Variants in ZDHHC15 observed in about 807,000 individuals in gnomAD.
ZDHHC15 encodes zDHHC palmitoyltransferase 15.
ZDHHC15 carries 19 observed loss-of-function variants against 31.7 expected under a neutral mutation model. That is an observed-to-expected ratio of 0.60 (90% CI 0.42 to 0.88). The LOEUF is 0.88. Ranked by LOEUF, ZDHHC15 falls within the 40% of genes least tolerant of loss-of-function variation. ZDHHC15 has a pLI of 0.00. For missense variants in ZDHHC15, 209 were observed against 251.2 expected, an observed-to-expected ratio of 0.83 and a Z score of 1.14; for synonymous variants, 103 against 90.0, an observed-to-expected ratio of 1.14 and a Z score of -0.82.
chrX:75,372,646 T>C lies in ZDHHC15; in HGVS notation c.*332A>G, dbSNP rs1205176561. ...AGACTCTAAGGAAATTTTCTGAATT[T>C]CCTTTTACCTGATAAGATGAATGAA... On this transcript the variant is annotated 3_prime_UTR_variant, in exon 12 of 12. Coordinates refer to ENST00000373367, the MANE Select transcript of ZDHHC15 (RefSeq NM_144969.3). 9.0e-6 allele frequency: 1 copy of C among 111,524 alleles called. No individual in the cohort carries two copies. Among genetic ancestry groups the C allele is most frequent in the Non-Finnish European group, 1.9e-5 (1 of 53,080 alleles). The allele number at this position is 111,524 out of a possible 1,213,427, so 9.2% of individuals were successfully genotyped here. A position where few individuals can be genotyped will look rare whatever the true frequency, so the allele number is the denominator to read the frequency against.
At position 75,505,700 on chromosome X, in the gene ZDHHC15, T is replaced by C. The variant is rs1304826924; in HGVS notation, c.163+121A>G. The stretch of plus-strand genomic sequence containing the variant: ...CTTCCTGAAAACCATCATTCTAAAC[T>C]TTCTCCTCACCCAAGTTTATTTCTG... On this transcript the variant is annotated intron_variant, in intron 2 of 11. Coordinates refer to ENST00000373367, the MANE Select transcript of ZDHHC15 (RefSeq NM_144969.3). 3 of 831,990 alleles carry C rather than the reference T, an allele frequency of 3.6e-6. No homozygotes were observed. The East Asian group carries it at 9.6e-5, about 27-fold the overall frequency. 68.6% of individuals were successfully genotyped at this position (831,990 alleles called of 1,213,427 possible).
chrX:75,417,624 G>A (rs1324332451), intron 9 of ZDHHC15, among the ~76,000 whole-genome samples: 1 of 112,002 alleles, frequency 8.9e-6, no homozygotes, highest in Non-Finnish European at 1.9e-5. Flanking sequence ...ATGCGCAAAT[G>A]CACTGTTATT....
intron 3 of ZDHHC15, among the ~76,000 whole-genome samples, chrX:75,469,896 GTTTTT>G (rs371487935): frequency 9.0e-6 from 1 of 111,565 alleles, no homozygotes; most frequent in African/African-American, 3.3e-5. Flanking sequence ...CTGTTTTACA[GTTTTT>G]TTTATAGTAA....
chrX:75,496,609 CAAA>C (rs1477522201), intron 2 of ZDHHC15, among the ~76,000 whole-genome samples: 1 of 111,469 alleles, frequency 9.0e-6, no homozygotes, highest in East Asian at 2.8e-4. Flanking sequence ...TGACAGGACA[CAAA>C]AAAGTTTCAA....
At chrX:75,455,929 T>A (rs1269426834) in intron 3 of ZDHHC15, among the ~76,000 whole-genome samples, 1 of 111,565 alleles carries the variant, frequency 9.0e-6, no homozygotes, top group East Asian at 2.8e-4. Flanking sequence ...TTCAACCATT[T>A]TGGAAGACAG....
rs749293994 is a variant in ZDHHC15, at chrX:75,522,947, G to A, written c.78C>T (p.Leu26=). The A allele has an allele frequency of 8.3e-7, 1 of 1,211,763 alleles. No homozygotes were observed. The highest frequency in any genetic ancestry group is 1.8e-5 in the South Asian group (1 of 56,991). The part of the protein sequence containing the change: ...CRRVLSWVPV[L]VIVLVVLWSY... Reference sequence around the variant, plus strand: ...ACCAGAGCACGACGAGGACAATAACGAGCACTGGCACCCAGGACAGTACCC... The same window carrying A: ...ACCAGAGCACGACGAGGACAATAACAAGCACTGGCACCCAGGACAGTACCC... Residue 26 remains leucine, a synonymous_variant, in exon 1 of 12, where the codon CTC becomes CTT. Coordinates refer to ENST00000373367, the MANE Select transcript of ZDHHC15 (RefSeq NM_144969.3).
At chrX:75,468,172 A>C (rs1378688799) in intron 3 of ZDHHC15, among the ~76,000 whole-genome samples, 1 of 109,133 alleles carries the variant, frequency 9.2e-6, no homozygotes, top group Non-Finnish European at 1.9e-5. Context: ...CCGCCTCCCG[A>C]GTAACTGGGA....
chrX:75,441,699 C>T (rs1022932855), intron 4 of ZDHHC15, among the ~76,000 whole-genome samples: 3 of 106,689 alleles, frequency 2.8e-5, no homozygotes, highest in African/African-American at 1.0e-4. Flanking sequence ...TCTCCTCTCA[C>T]TGCAAGCTCC....
intron 4 of ZDHHC15, among the ~76,000 whole-genome samples, chrX:75,444,960 C>T (rs1416402358): frequency 9.3e-6 from 1 of 107,889 alleles, no homozygotes; most frequent in Non-Finnish European, 1.9e-5. Flanking sequence ...CTCAGGTTCT[C>T]AGGAGGCCTT....
intron 2 of ZDHHC15, among the ~76,000 whole-genome samples, chrX:75,500,998 G>T (rs1343254957): frequency 9.0e-6 from 1 of 110,907 alleles, no homozygotes; most frequent in Admixed American, 9.7e-5. Flanking sequence ...GGGGGCACAT[G>T]TAAAGGTTTC....
chrX:75,455,005 TG>T (rs746766419), intron 3 of ZDHHC15, among the ~76,000 whole-genome samples: 7 of 111,064 alleles, frequency 6.3e-5, no homozygotes, highest in South Asian at 3.8e-4. Context: ...TTCACAAAAT[TG>T]GAAAAAACTA....
intron 2 of ZDHHC15, chrX:75,501,902 T>C (rs2085093190): frequency 8.9e-6 from 1 of 111,788 alleles, no homozygotes; most frequent in African/African-American, 3.2e-5. Flanking sequence ...TGTCTCCCAT[T>C]CTGTAGATTG....
intron 1 of ZDHHC15, among the ~76,000 whole-genome samples, chrX:75,509,420 G>C (rs1366570803): frequency 8.9e-6 from 1 of 112,128 alleles, no homozygotes; most frequent in African/African-American, 3.2e-5. Context: ...CACATTTCAA[G>C]TGTTTAATAG....
At chrX:75,491,759 C>A (rs919649968) in intron 2 of ZDHHC15, among the ~76,000 whole-genome samples, 2 of 110,921 alleles carry the variant, frequency 1.8e-5, no homozygotes, top group Non-Finnish European at 3.8e-5. Flanking sequence ...TTTGTCACCA[C>A]CAGGCCTGCC....
chrX:75,418,021 A>G (rs767343204), intron 9 of ZDHHC15, among the ~76,000 whole-genome samples: 1 of 112,119 alleles, frequency 8.9e-6, no homozygotes, highest in South Asian at 3.7e-4. Context: ...TTATAAATGA[A>G]TGGGCTTTGA....
intron 1 of ZDHHC15, 105 bp downstream of exon 1, chrX:75,522,784 C>G (rs1169067983): frequency 4.7e-6 from 5 of 1,063,929 alleles, no homozygotes; most frequent in Non-Finnish European, 6.4e-6. Context: ...GAAAGGAAAA[C>G]CGCAGAGAGA....
At chrX:75,490,443 C>T (rs928049294) in intron 2 of ZDHHC15, among the ~76,000 whole-genome samples, 1 of 111,780 alleles carries the variant, frequency 8.9e-6, no homozygotes, top group African/African-American at 3.3e-5. Context: ...ATTCAACATT[C>T]TTAAAGAAAA....
At chrX:75,439,721 T>TG (rs1159485761) in intron 4 of ZDHHC15, among the ~76,000 whole-genome samples, 1 of 112,002 alleles carries the variant, frequency 8.9e-6, no homozygotes, top group Non-Finnish European at 1.9e-5. Flanking sequence ...ATGTGGTCTT[T>TG]GGGGGATGTC....
chrX:75,422,964 C>T (rs1362022338), intron 8 of ZDHHC15, among the ~76,000 whole-genome samples: 1 of 67,141 alleles, frequency 1.5e-5, no homozygotes, highest in Non-Finnish European at 2.6e-5. Context: ...CCTCCCCCCA[C>T]CCCACAACAG....
Sources: gnomAD v4.1 joint callset for allele counts (sites outside exome capture counted in the v4.1 genomes callset) on GRCh38, gnomAD v4.1.1 for gene constraint, MANE v1.5 for transcripts, NCBI Gene and HGNC (gene_info 2026-07-23, HGNC 2026-07-21) for gene names.